Variants in ADAM10 observed in about 807,000 individuals in gnomAD.
ADAM10 encodes disintegrin and metalloproteinase domain-containing protein 10.
Under a neutral mutation model 90.1 loss-of-function variants are expected in ADAM10, and 17 were observed. The observed-to-expected ratio is 0.19, with a 90% CI of 0.13 to 0.28. The LOEUF is 0.28. ADAM10 is among the 10% of genes least tolerant of loss of function. The pLI, the probability that ADAM10 is intolerant of heterozygous loss-of-function variation, is 1.00. For synonymous variants in ADAM10, 310 were observed against 298.6 expected (o/e 1.04, Z -0.40); for missense variants, 610 against 914.3 (o/e 0.67, Z 4.29).
intron 5 of ADAM10, among the ~76,000 whole-genome samples, chr15:58,650,775 A>T (rs1896665310): frequency 6.6e-6 from 1 of 152,208 alleles, no homozygotes; most frequent in Non-Finnish European, 1.5e-5. Flanking sequence ...ATATACATAC[A>T]CATATATTTT....
intron 3 of ADAM10, among the ~76,000 whole-genome samples, chr15:58,680,507 T>C (rs973561770): frequency 6.6e-6 from 1 of 152,172 alleles, no homozygotes; most frequent in Non-Finnish European, 1.5e-5. Flanking sequence ...TTTAAAGATA[T>C]TGGACAAAGA....
intron 1 of ADAM10, among the ~76,000 whole-genome samples, chr15:58,746,547 T>C (rs1479360539): frequency 6.6e-6 from 1 of 152,172 alleles, no homozygotes; most frequent in African/African-American, 2.4e-5. Flanking sequence ...AACACTTTAA[T>C]TCTTCCTTCT....
chr15:58,647,212 T>G (rs1457393670), intron 5 of ADAM10, among the ~76,000 whole-genome samples: 1 of 144,598 alleles, frequency 6.9e-6, no homozygotes, highest in Non-Finnish European at 1.5e-5. Context: ...TGCTATCACC[T>G]AACACAGGCT....
chr15:58,664,958 G>T, intron 5 of ADAM10, 139 bp downstream of exon 5: 1 of 705,630 alleles, frequency 1.4e-6, no homozygotes, highest in Non-Finnish European at 2.5e-6. Context: ...ACGTTACCTG[G>T]CCTCTTTGAG....
At chr15:58,684,727 T>C (rs1378883829) in intron 2 of ADAM10, among the ~76,000 whole-genome samples, 1 of 152,190 alleles carries the variant, frequency 6.6e-6, no homozygotes, top group Non-Finnish European at 1.5e-5. Flanking sequence ...GTTAACAAAT[T>C]ATCTAACCTT....
intron 2 of ADAM10, chr15:58,692,458 G>A (rs576261473): frequency 3.5e-4 from 184 of 530,812 alleles, no homozygotes; most frequent in African/African-American, 3.1e-3. Context: ...CACATCTTCA[G>A]TCTTGGGCTT....
At position 58,636,144 on chromosome 15, in the gene ADAM10, G is replaced by C. The variant is rs563889434; in HGVS notation, c.1013-2785C>G. Among the ~76,000 whole-genome samples, 101 of 152,176 alleles carry C rather than the reference G, an allele frequency of 6.6e-4. 2 individuals are homozygous for C. In the Middle Eastern group the frequency reaches 0.01, roughly 15 times the overall value. ...TTACAAAAATTAGCCAGGCGAGGTG[G>C]TGCATGCATGTAATCCCAGCTACTC... On this transcript the variant is annotated intron_variant, in intron 8 of 15. Coordinates refer to ENST00000260408, the MANE Select transcript of ADAM10 (RefSeq NM_001110.4).
chr15:58,605,060 C>A (rs1895231788), intron 14 of ADAM10, among the ~76,000 whole-genome samples: 1 of 152,108 alleles, frequency 6.6e-6, no homozygotes, highest in Admixed American at 6.5e-5. Flanking sequence ...AATAAAGAGC[C>A]ATACGAGTAC....
At chr15:58,711,772 AAT>A (rs1418057422) in intron 2 of ADAM10, among the ~76,000 whole-genome samples, 4 of 152,240 alleles carry the variant, frequency 2.6e-5, no homozygotes, top group African/African-American at 7.2e-5. Context: ...AATTCAATAT[AAT>A]AGTGTATATA....
intron 2 of ADAM10, among the ~76,000 whole-genome samples, chr15:58,696,743 G>A (rs1897990596): frequency 6.6e-6 from 1 of 152,094 alleles, no homozygotes; most frequent in South Asian, 2.1e-4. Flanking sequence ...GGGATTACAT[G>A]TGTGAGCCAC....
At chr15:58,657,902 C>CTTTTTTTTTTT (rs1240437811) in intron 5 of ADAM10, among the ~76,000 whole-genome samples, 1 of 130,052 alleles carries the variant, frequency 7.7e-6, no homozygotes, top group African/African-American at 2.9e-5. Context: ...TTTTTTTTTT[C>CTTTTTTTTTTT]TTAACTGAGT....
At chr15:58,606,016 A>T (rs1334282528) in intron 14 of ADAM10, among the ~76,000 whole-genome samples, 2 of 152,184 alleles carry the variant, frequency 1.3e-5, no homozygotes, top group Non-Finnish European at 2.9e-5. Flanking sequence ...TTCAGACATA[A>T]GATAATCTAC....
In ADAM10 at chr15:58,592,061, A is replaced by G. The variant is rs1196468695; in HGVS notation, c.*5486T>C. On this transcript the variant is annotated 3_prime_UTR_variant, in exon 16 of 16. Coordinates refer to ENST00000260408, the MANE Select transcript of ADAM10 (RefSeq NM_001110.4). Reference sequence around the variant, plus strand: ...GGATTTTGCTGATTGAGTCCCTTGTATATTATTTGTCCCTCTGTCCCCTGT... The same window carrying G: ...GGATTTTGCTGATTGAGTCCCTTGTGTATTATTTGTCCCTCTGTCCCCTGT... 2 of 152,116 alleles carry G rather than the reference A, an allele frequency of 1.3e-5. No individual in the cohort carries two copies. Among genetic ancestry groups the G allele is most frequent in the Non-Finnish European group, 2.9e-5 (2 of 68,046 alleles). The allele number at this position is 152,116 out of a possible 1,614,324, so 9.4% of individuals were successfully genotyped here.
chr15:58,665,188 T>C lies in ADAM10; in HGVS notation c.494A>G (p.His165Arg). Residue 165 changes from histidine to arginine, a missense_variant, in exon 5 of 16, where the codon CAT becomes CGT. His to Arg is a conservative substitution (Grantham distance 29). Around this residue, in one of 4 missense-constraint regions of ADAM10, gnomAD observed 310 missense variants for 362.4 expected, o/e 0.86. Transcript: ENST00000260408. ...ACAGCCCCCCTGAGGACCGTATTTA[T>C]GGGGATAGTCTAAAATACAAAGAAG... is the stretch of plus-strand genomic sequence containing the variant. The part of the protein sequence containing the change: ...IYHEDDINYP[H>R]KYGPQGGCAD... 4.4e-6 allele frequency: 7 copies of C among 1,608,904 alleles called. No individual in the cohort carries two copies. Among genetic ancestry groups the C allele is most frequent in the Non-Finnish European group, 6.0e-6 (7 of 1,175,334 alleles).
intron 5 of ADAM10, among the ~76,000 whole-genome samples, chr15:58,652,728 T>C (rs531282150): frequency 4.6e-5 from 7 of 152,222 alleles, no homozygotes; most frequent in African/African-American, 1.7e-4. Context: ...GAGTTTCTTC[T>C]GGTTCCATAA....
chr15:58,630,105 C>A (rs957816709), intron 9 of ADAM10, among the ~76,000 whole-genome samples: 8 of 152,112 alleles, frequency 5.3e-5, no homozygotes, highest in Non-Finnish European at 8.8e-5. Context: ...ACCTTTCTTT[C>A]AGCTTAACAG....
intron 5 of ADAM10, among the ~76,000 whole-genome samples, chr15:58,658,842 C>T (rs1896898309): frequency 6.6e-6 from 1 of 152,098 alleles, no homozygotes; most frequent in African/African-American, 2.4e-5. Context: ...GATAAGTCTG[C>T]TTATTGATTC....
chr15:58,664,739 C>T (rs1380463439), intron 5 of ADAM10, among the ~76,000 whole-genome samples: 1 of 152,006 alleles, frequency 6.6e-6, no homozygotes, highest in East Asian at 1.9e-4. Context: ...TGACACACAA[C>T]GTTCAGTGTT....
At chr15:58,599,331 AC>A (rs1248595415) in intron 15 of ADAM10, among the ~76,000 whole-genome samples, 4 of 151,782 alleles carry the variant, frequency 2.6e-5, no homozygotes, top group Non-Finnish European at 4.4e-5. Flanking sequence ...AAAAAAAAAA[AC>A]AAGAAAACAA....
Sources: allele counts gnomAD v4.1 joint callset (sites outside exome capture counted in the v4.1 genomes callset), GRCh38; gene constraint gnomAD v4.1.1; regional missense constraint gnomAD v4.1.1; transcripts MANE v1.5; gene names NCBI Gene and HGNC (gene_info 2026-07-23, HGNC 2026-07-21).